PIBF1: variants seen among roughly 807,000 people sequenced by gnomAD.
PIBF1 encodes the protein progesterone immunomodulatory binding factor 1.
In PIBF1, 90 loss-of-function variants were observed where a neutral mutation model predicts 112.5. That is an observed-to-expected ratio of 0.80 (90% confidence interval 0.67 to 0.95). The LOEUF (loss-of-function observed/expected upper bound fraction) is 0.95. Among genes scored for constraint, PIBF1 ranks in the 40% least tolerant of loss-of-function variants. PIBF1 has a pLI of 0.00. For missense variants in PIBF1, 915 were observed against 852.3 expected (o/e 1.07, Z -0.92); for synonymous variants, 301 against 288.6 (o/e 1.04, Z -0.44).
intron 3 of PIBF1, among the ~76,000 whole-genome samples, chr13:72,795,019 A>C (rs936882734): frequency 6.6e-6 from 1 of 152,234 alleles, no homozygotes; most frequent in East Asian, 1.9e-4. Flanking sequence ...GATAAAAGGG[A>C]AATGAAAATT....
intron 17 of PIBF1, among the ~76,000 whole-genome samples, chr13:73,011,028 G>A (rs1339551616): frequency 1.3e-5 from 2 of 151,410 alleles, no homozygotes; most frequent in Non-Finnish European, 2.9e-5. Flanking sequence ...GTTTCACCAT[G>A]TTGGCCAGGC....
At chr13:72,848,108 ATTTTTGTTTGTTTTTG>A (rs2037954064) in intron 9 of PIBF1, among the ~76,000 whole-genome samples, 1 of 152,024 alleles carries the variant, frequency 6.6e-6, no homozygotes, top group Non-Finnish European at 1.5e-5. Context: ...AGCCATGGTT[ATTTTTGTTTGTTTTTG>A]TTTTTGTTTT....
At chr13:72,910,229 G>T (rs974050253) in intron 12 of PIBF1, among the ~76,000 whole-genome samples, 1 of 152,024 alleles carries the variant, frequency 6.6e-6, no homozygotes, top group African/African-American at 2.4e-5. Context: ...TTCTTCACTG[G>T]AGTCAAAGTA....
chr13:72,794,463 A>G (rs2035089783), intron 3 of PIBF1, among the ~76,000 whole-genome samples: 3 of 152,162 alleles, frequency 2.0e-5, no homozygotes, highest in Admixed American at 2.0e-4. Flanking sequence ...GGGGAAAATC[A>G]GTAATATGAT....
At chr13:72,816,411 C>A (rs772539336) in intron 5 of PIBF1, among the ~76,000 whole-genome samples, 1 of 152,084 alleles carries the variant, frequency 6.6e-6, no homozygotes, top group Non-Finnish European at 1.5e-5. Context: ...AGGCTATAAT[C>A]GCAGCACTTT....
rs10645002 is a variant in PIBF1 at position 73,001,582 on chromosome 13, C to CTTTTTTTTTTTTTTTTTTTTTTT, written c.2223+2605_2223+2606insTTTTTTTTTTTTTTTTTTTTTTT. 5.1e-4 allele frequency among the ~76,000 whole-genome samples: 15 copies of CTTTTTTTTTTTTTTTTTTTTTTT among 29,170 alleles called. 6 individuals carry two copies. Among genetic ancestry groups the CTTTTTTTTTTTTTTTTTTTTTTT allele is most frequent in the Non-Finnish European group, 7.5e-4 (10 of 13,368 alleles). 19.1% of individuals were successfully genotyped at this position (29,170 alleles called of 152,430 possible). ...CAGAGGAGGAGAAATAAGAGCTTGA[C>CTTTTTTTTTTTTTTTTTTTTTTT]TTTTTTTTTTTTTTTTTTGACACTT... On this transcript the variant is annotated intron_variant, in intron 17 of 17. Coordinates refer to ENST00000326291, the MANE Select transcript of PIBF1 (RefSeq NM_006346.4).
chr13:72,856,113 C>T (rs1033428947), intron 10 of PIBF1, among the ~76,000 whole-genome samples: 3 of 152,028 alleles, frequency 2.0e-5, no homozygotes, highest in African/African-American at 7.2e-5. Context: ...GATGTTCATC[C>T]GAAGGCCATG....
intron 5 of PIBF1, among the ~76,000 whole-genome samples, chr13:72,808,159 C>T (rs143931017): frequency 1.3e-5 from 2 of 150,980 alleles, no homozygotes. Flanking sequence ...TGTTTTTTCT[C>T]TTGAGTAAGT....
Position 72,870,295 on chromosome 13 carries a change from G to A in PIBF1, c.1322+16140G>A, listed in dbSNP as rs751299525. ...CGATTTCAAATGTTTAATGTTGCTT[G>A]CCTTGTTTCCTTTTATTTTAAATGA... is the stretch of plus-strand genomic sequence containing the variant. On this transcript the variant is annotated intron_variant, in intron 10 of 17. Transcript: ENST00000326291. Among the ~76,000 whole-genome samples, 55 of 152,152 alleles carry A rather than the reference G, an allele frequency of 3.6e-4. 2 individuals carry two copies. Among genetic ancestry groups the A allele is most frequent in the Admixed American group, 2.6e-3 (39 of 15,276 alleles).
At chr13:72,811,801 G>A (rs1180000563) in intron 5 of PIBF1, among the ~76,000 whole-genome samples, 1 of 152,006 alleles carries the variant, frequency 6.6e-6, no homozygotes, top group Non-Finnish European at 1.5e-5. Flanking sequence ...AACCTGTTAA[G>A]TTTTTACAAA....
intron 5 of PIBF1, among the ~76,000 whole-genome samples, chr13:72,809,704 C>T (rs887425278): frequency 5.3e-5 from 8 of 151,354 alleles, no homozygotes; most frequent in Non-Finnish European, 1.2e-4. Context: ...ATTCTCCTGC[C>T]TCAGCCTCCC....
At chr13:72,884,358 A>G (rs1246372883) in intron 10 of PIBF1, 1 of 152,086 alleles carries the variant, frequency 6.6e-6, no homozygotes, top group Non-Finnish European at 1.5e-5. Context: ...CTCACAACCC[A>G]CTTAGTCATG....
chr13:72,979,211 C>T (rs1186379390), intron 16 of PIBF1, among the ~76,000 whole-genome samples: 11 of 152,150 alleles, frequency 7.2e-5, no homozygotes. Flanking sequence ...AGAAATGTGA[C>T]TCCTTAAAAT....
At chr13:72,894,679 C>G (rs1053799897) in intron 11 of PIBF1, among the ~76,000 whole-genome samples, 1 of 150,176 alleles carries the variant, frequency 6.7e-6, no homozygotes, top group African/African-American at 2.4e-5. Context: ...ATAGTTGACT[C>G]AATACCTCAT....
Position 72,917,108 on chromosome 13 carries a change from T to C in PIBF1, c.1672T>C (p.Phe558Leu), listed in dbSNP as rs2041129419. ...TGAAGATGAGGCTGAAAGGGTTCTT[T>C]TTTCCTACGGCTATGGTGCTAATGT... The part of the protein sequence containing the change: ...ENEDEAERVL[F>L]SYGYGANVPT... Residue 558 changes from phenylalanine (F) to leucine (L), a missense_variant, in exon 13 of 18, where the codon TTT (phenylalanine) becomes CTT (leucine). Transcript: ENST00000326291. 6.3e-7 allele frequency: 1 copy of C among 1,598,532 alleles called. No homozygotes were observed. Among genetic ancestry groups the C allele is most frequent in the Non-Finnish European group, 8.5e-7 (1 of 1,172,304 alleles).
intron 5 of PIBF1, among the ~76,000 whole-genome samples, chr13:72,801,641 A>G (rs1288760851): frequency 6.6e-6 from 1 of 152,204 alleles, no homozygotes; most frequent in Non-Finnish European, 1.5e-5. Flanking sequence ...CTATTCTGGT[A>G]AACTCAAGTG....
intron 11 of PIBF1, among the ~76,000 whole-genome samples, chr13:72,902,974 C>T (rs1183582357): frequency 1.3e-5 from 2 of 151,736 alleles, no homozygotes; most frequent in East Asian, 1.9e-4. Flanking sequence ...CGGCTCACTG[C>T]GACCTCTGCT....
chr13:72,873,651 C>T (rs887503454), intron 10 of PIBF1, among the ~76,000 whole-genome samples: 1 of 152,014 alleles, frequency 6.6e-6, no homozygotes, highest in Non-Finnish European at 1.5e-5. Flanking sequence ...CCTTAGCCTC[C>T]CAAAGTGCTG....
chr13:72,958,731 C>T (rs931920152), intron 14 of PIBF1, among the ~76,000 whole-genome samples: 2 of 152,064 alleles, frequency 1.3e-5, no homozygotes, highest in Non-Finnish European at 1.5e-5. Flanking sequence ...TAAATATTAC[C>T]GCTGTTAAAG....
Sources: gnomAD v4.1 joint callset for allele counts (sites outside exome capture counted in the v4.1 genomes callset) on GRCh38, gnomAD v4.1.1 for gene constraint, MANE v1.5 for transcripts, NCBI Gene and HGNC (gene_info 2026-07-23, HGNC 2026-07-21) for gene names.